FRMPD4: variants seen among roughly 807,000 people sequenced by gnomAD.
The protein encoded by FRMPD4 is FERM and PDZ domain-containing protein 4.
A neutral mutation model predicts 94.1 loss-of-function variants in FRMPD4; 22 were observed. The observed-to-expected ratio is 0.23, with a 90% CI of 0.17 to 0.33. The LOEUF (loss-of-function observed/expected upper bound fraction) is 0.33, where lower values mean the gene tolerates loss of function less well. Ranked by LOEUF, FRMPD4 falls within the 10% of genes least tolerant of loss-of-function variation. The probability of loss-of-function intolerance (pLI) is 1.00; values close to 1 mark genes in which losing one functional copy is unlikely to be tolerated. For synonymous variants in FRMPD4, 631 were observed against 548.6 expected, an observed-to-expected ratio of 1.15 and a Z score of -2.10; for missense variants, 1,111 against 1,339.9, an observed-to-expected ratio of 0.83 and a Z score of 2.67.
chrX:12,589,974 A>T (rs2148392069), intron 2 of FRMPD4, among the ~76,000 whole-genome samples: 1 of 112,341 alleles, frequency 8.9e-6, no homozygotes, highest in East Asian at 2.8e-4. Flanking sequence ...TTGCATAATT[A>T]TCATATGAGA....
intron 1 of FRMPD4, among the ~76,000 whole-genome samples, chrX:12,310,481 C>A (rs1310990168): frequency 8.9e-6 from 1 of 111,967 alleles, no homozygotes; most frequent in Non-Finnish European, 1.9e-5. Flanking sequence ...TGACAGAAAC[C>A]ATTAAAATAA....
intron 1 of FRMPD4, among the ~76,000 whole-genome samples, chrX:12,260,633 G>T (rs2054175470): frequency 8.9e-6 from 1 of 111,999 alleles, no homozygotes; most frequent in African/African-American, 3.2e-5. Context: ...GCTGTGTGCA[G>T]TTCCCCGTTC....
chrX:12,544,021 G>C (rs2058446920), intron 2 of FRMPD4, among the ~76,000 whole-genome samples: 1 of 105,088 alleles, frequency 9.5e-6, no homozygotes, highest in Admixed American at 1.0e-4. Flanking sequence ...TCAATCACAG[G>C]TGGGAATTGA....
chrX:12,640,504 A>C (rs941714668), intron 4 of FRMPD4, among the ~76,000 whole-genome samples: 1 of 111,269 alleles, frequency 9.0e-6, no homozygotes, highest in Non-Finnish European at 1.9e-5. Context: ...AGGCTATTTT[A>C]GGCATCTGTC....
intron 4 of FRMPD4, among the ~76,000 whole-genome samples, chrX:12,645,344 ACT>A (rs2059537715): frequency 1.3e-5 from 1 of 75,986 alleles, no homozygotes; most frequent in African/African-American, 5.7e-5. Context: ...TAACACTCTC[ACT>A]CTTTTTTTTT....
intron 4 of FRMPD4, among the ~76,000 whole-genome samples, chrX:12,657,349 T>C (rs193272996): frequency 6.1e-4 from 68 of 111,606 alleles, no homozygotes; most frequent in Non-Finnish European, 1.1e-3. Flanking sequence ...AGGGCCTCAG[T>C]TTCTTAACAA....
chrX:12,548,959 A>C (rs2058506392), intron 2 of FRMPD4, among the ~76,000 whole-genome samples: 1 of 111,533 alleles, frequency 9.0e-6, no homozygotes, highest in African/African-American at 3.3e-5. Context: ...AGCACCTTGG[A>C]CAGTTACCAG....
chrX:12,245,401 T>C (rs774639704), intron 1 of FRMPD4, among the ~76,000 whole-genome samples: 2 of 111,141 alleles, frequency 1.8e-5, no homozygotes, highest in East Asian at 2.8e-4. Flanking sequence ...TGTTGAGAAG[T>C]GCCAGCAAGT....
intron 3 of FRMPD4, among the ~76,000 whole-genome samples, chrX:11,968,366 A>AT (rs1457674531): frequency 1.8e-5 from 2 of 111,515 alleles, no homozygotes; most frequent in African/African-American, 6.5e-5. Flanking sequence ...TTCAGTAGGG[A>AT]TGGTACCATG....
intron 1 of FRMPD4, among the ~76,000 whole-genome samples, chrX:11,850,923 A>G (rs761255598): frequency 8.9e-6 from 1 of 112,334 alleles, no homozygotes; most frequent in Admixed American, 9.4e-5. Flanking sequence ...ACTGAACTGT[A>G]CTCTTACACA....
At chrX:12,599,381 A>T (rs1019349120) in intron 2 of FRMPD4, among the ~76,000 whole-genome samples, 3 of 112,008 alleles carry the variant, frequency 2.7e-5, no homozygotes, top group African/African-American at 9.8e-5. Context: ...TTCTCTGTAA[A>T]CAATGGATGT....
At chrX:12,019,753 A>G (rs1459845106) in intron 3 of FRMPD4, among the ~76,000 whole-genome samples, 3 of 110,363 alleles carry the variant, frequency 2.7e-5, no homozygotes, top group Non-Finnish European at 5.7e-5. Flanking sequence ...GGCTCTACCC[A>G]TCTATCAAGG....
At chrX:12,629,655 G>A (rs1293321724) in intron 4 of FRMPD4, among the ~76,000 whole-genome samples, 1 of 112,278 alleles carries the variant, frequency 8.9e-6, no homozygotes, top group Non-Finnish European at 1.9e-5. Flanking sequence ...GTTATTACCA[G>A]CGGCATCACT....
At chrX:12,295,159 T>C (rs1206900174) in intron 1 of FRMPD4, among the ~76,000 whole-genome samples, 4 of 112,214 alleles carry the variant, frequency 3.6e-5, no homozygotes, top group Non-Finnish European at 1.9e-5. Context: ...ATGAGACCTC[T>C]CAAGTCATCT....
intron 1 of FRMPD4, among the ~76,000 whole-genome samples, chrX:12,440,912 T>C (rs1161598346): frequency 1.8e-5 from 2 of 111,886 alleles, no homozygotes; most frequent in African/African-American, 3.3e-5. Flanking sequence ...AAATGGTAAA[T>C]GTCATAATTC....
intron 1 of FRMPD4, among the ~76,000 whole-genome samples, chrX:12,161,238 A>C (rs1461285812): frequency 9.1e-6 from 1 of 110,338 alleles, no homozygotes; most frequent in Non-Finnish European, 1.9e-5. Context: ...AGCTCACTGC[A>C]ACCTCCACCT....
intron 3 of FRMPD4, among the ~76,000 whole-genome samples, chrX:11,921,278 G>C (rs925863055): frequency 8.9e-6 from 1 of 112,007 alleles, no homozygotes; most frequent in Non-Finnish European, 1.9e-5. Context: ...TGACTTTCAG[G>C]TGGCCGCCTT....
At chrX:12,264,227 T>C (rs1467192852) in intron 1 of FRMPD4, among the ~76,000 whole-genome samples, 1 of 112,012 alleles carries the variant, frequency 8.9e-6, no homozygotes, top group East Asian at 2.8e-4. Flanking sequence ...TAAGGCCTAA[T>C]GATGTGCATT....
chrX:12,046,517 GTCT>G (rs2054786402), intron 3 of FRMPD4, among the ~76,000 whole-genome samples: 1 of 111,754 alleles, frequency 8.9e-6, no homozygotes, highest in South Asian at 3.8e-4. Context: ...CCAGTCGTGA[GTCT>G]GGGCTTCCAG....
Sources: allele counts gnomAD v4.1 joint callset (sites outside exome capture counted in the v4.1 genomes callset), GRCh38; gene constraint gnomAD v4.1.1; transcripts MANE v1.5; gene names NCBI Gene and HGNC (gene_info 2026-07-23, HGNC 2026-07-21).